The following DLGAP2 variants were observed in gnomAD, a reference collection of about 807,000 sequenced individuals.
DLGAP2 encodes the protein disks large-associated protein 2.
In DLGAP2, 26 loss-of-function variants were observed where a neutral mutation model predicts 100.3. That is an observed-to-expected ratio of 0.26 (90% CI 0.19 to 0.36). The LOEUF is 0.36. Among genes scored for constraint, DLGAP2 ranks in the 10% least tolerant of loss-of-function variants. The pLI, the probability that DLGAP2 is intolerant of heterozygous loss-of-function variation, is 1.00. For synonymous variants in DLGAP2, 886 were observed against 630.1 expected, an observed-to-expected ratio of 1.41 and a Z score of -6.08; for missense variants, 1,858 against 1,453.2, an observed-to-expected ratio of 1.28 and a Z score of -4.53.
intron 1 of DLGAP2, among the ~76,000 whole-genome samples, chr8:754,411 G>A (rs570255916): frequency 3.4e-4 from 52 of 152,186 alleles, no homozygotes; most frequent in Non-Finnish European, 5.4e-4. Flanking sequence ...GGTTTTGCAT[G>A]TTTTACCTGC....
At chr8:1,626,690 C>T (rs373138047) in intron 6 of DLGAP2, 50 bp from the exon 7 acceptor site, 5 of 1,556,250 alleles carry the variant, frequency 3.2e-6, no homozygotes, top group Non-Finnish European at 4.3e-6. Flanking sequence ...CACCTCTGCC[C>T]TGCAGCGGGT....
intron 3 of DLGAP2, among the ~76,000 whole-genome samples, chr8:1,458,836 G>A (rs552670923): frequency 6.6e-6 from 1 of 152,302 alleles, no homozygotes; most frequent in Non-Finnish European, 1.5e-5. Flanking sequence ...GGGTGTCCCA[G>A]GACAGAGAGC....
At chr8:859,266 G>GA (rs1797344303) in intron 1 of DLGAP2, among the ~76,000 whole-genome samples, 1 of 152,092 alleles carries the variant, frequency 6.6e-6, no homozygotes, top group Admixed American at 6.5e-5. Flanking sequence ...CGCACGCCAC[G>GA]AAGCCTGGCT....
chr8:1,434,463 T>A (rs758080432), intron 3 of DLGAP2, among the ~76,000 whole-genome samples: 1 of 150,960 alleles, frequency 6.6e-6, no homozygotes, highest in Non-Finnish European at 1.5e-5. Flanking sequence ...CTCCCGGGAG[T>A]GTCAGCATTT....
intron 1 of DLGAP2, among the ~76,000 whole-genome samples, chr8:895,017 G>A (rs1286343253): frequency 3.6e-5 from 5 of 138,212 alleles, no homozygotes; most frequent in Admixed American, 7.3e-5. Flanking sequence ...AGGGCAGGGT[G>A]GGGGAGTGGG....
intron 3 of DLGAP2, among the ~76,000 whole-genome samples, chr8:1,457,843 C>G (rs1798358001): frequency 1.3e-5 from 2 of 151,710 alleles, no homozygotes; most frequent in South Asian, 2.1e-4. Flanking sequence ...ACGCAACTCA[C>G]TACTTGTCAT....
chr8:1,577,621 A>C (rs1267121816), intron 6 of DLGAP2, among the ~76,000 whole-genome samples: 1 of 151,874 alleles, frequency 6.6e-6, no homozygotes, highest in Non-Finnish European at 1.5e-5. Context: ...CAGGATATCC[A>C]ACAAGAGGTT....
intron 2 of DLGAP2, among the ~76,000 whole-genome samples, chr8:1,024,473 A>C (rs953033274): frequency 1.3e-5 from 2 of 151,286 alleles, no homozygotes; most frequent in South Asian, 2.1e-4. Context: ...TCCCGTGCCG[A>C]AGGAGACGCT....
At chr8:890,017 G>GT (rs1456474701) in intron 1 of DLGAP2, among the ~76,000 whole-genome samples, 1 of 152,124 alleles carries the variant, frequency 6.6e-6, no homozygotes, top group Non-Finnish European at 1.5e-5. Flanking sequence ...CCTTCCCCGT[G>GT]TGTTTCTCGG....
At chr8:1,438,621 T>C (rs1002192069) in intron 3 of DLGAP2, among the ~76,000 whole-genome samples, 2 of 152,212 alleles carry the variant, frequency 1.3e-5, no homozygotes, top group Non-Finnish European at 2.9e-5. Context: ...CGAGAACTAT[T>C]TTATACATGG....
At chr8:743,360 G>C (rs2132559371) in intron 1 of DLGAP2, among the ~76,000 whole-genome samples, 1 of 152,292 alleles carries the variant, frequency 6.6e-6, no homozygotes, top group South Asian at 2.1e-4. Context: ...TTTTGGTGAA[G>C]ATAAATTTTC....
rs575579700 is a variant in DLGAP2 at position 1,459,133 on chromosome 8, A to C, written c.107-42233A>C. Among the ~76,000 whole-genome samples the C allele has an allele frequency of 6.7e-4, 96 of 143,420 alleles. 7 individuals carry two copies. The highest frequency in any genetic ancestry group is 2.5e-3 in the African/African-American group (91 of 37,142). 94.1% of individuals were successfully genotyped at this position (143,420 alleles called of 152,430 possible). ...CAGCTGGTTTACATGCGTAGACGCC[A>C]GGGGTCACCCTACAAGACCAGCGTG... On this transcript the variant is annotated intron_variant, in intron 3 of 14. Coordinates refer to ENST00000637795, the MANE Select transcript of DLGAP2 (RefSeq NM_001346810.2).
chr8:1,616,243 C>T (rs1797149914), intron 6 of DLGAP2, among the ~76,000 whole-genome samples: 2 of 151,834 alleles, frequency 1.3e-5, no homozygotes, highest in Admixed American at 6.6e-5. Context: ...AGAATAGAGC[C>T]TCAGTAATAT....
At chr8:1,161,604 A>T (rs1309600606) in intron 2 of DLGAP2, among the ~76,000 whole-genome samples, 2 of 152,220 alleles carry the variant, frequency 1.3e-5, no homozygotes, top group South Asian at 4.1e-4. Context: ...GAATGAGCTG[A>T]TGAGACTCGG....
intron 3 of DLGAP2, among the ~76,000 whole-genome samples, chr8:1,431,693 G>A (rs1227919205): frequency 7.9e-5 from 12 of 152,234 alleles, no homozygotes; most frequent in Non-Finnish European, 1.5e-4. Flanking sequence ...ACTGCGGAGT[G>A]GAGGCACTGG....
At chr8:1,311,474 A>G (rs1346865536) in intron 3 of DLGAP2, among the ~76,000 whole-genome samples, 1 of 152,242 alleles carries the variant, frequency 6.6e-6, no homozygotes, top group Non-Finnish European at 1.5e-5. Flanking sequence ...AAATGGTCAT[A>G]GAAGAGAAAA....
In DLGAP2 at chr8:1,102,851, C is replaced by T. The variant is rs182774016; in HGVS notation, c.74-156000C>T. ...ATGTGCGTGGGGCCTTGTGAGTCTC[C>T]GGGGTCTTTGTGAGTCTCTGGGGTC... On this transcript the variant is annotated intron_variant, in intron 2 of 14. Coordinates refer to ENST00000637795, the MANE Select transcript of DLGAP2 (RefSeq NM_001346810.2). 2.1e-3 allele frequency among the ~76,000 whole-genome samples: 320 copies of T among 151,130 alleles called. 1 individual carries two copies. Among genetic ancestry groups the T allele is most frequent in the African/African-American group, 7.1e-3 (293 of 41,046 alleles).
rs547143731 is a variant in DLGAP2 at position 900,122 on chromosome 8, G to A, written c.19-7790G>A. 1.3e-4 allele frequency among the ~76,000 whole-genome samples: 20 copies of A among 152,134 alleles called. No individual in the cohort carries two copies. The South Asian group carries it at 1.5e-3, about 11-fold the overall frequency. Reference sequence around the variant, plus strand: ...TGGTGGGCGGCCTCCTCTTCACGGCGTCGCTCCTGGGTGGACGGTGGTGCC... The same window carrying A: ...TGGTGGGCGGCCTCCTCTTCACGGCATCGCTCCTGGGTGGACGGTGGTGCC... On this transcript the variant is annotated intron_variant, in intron 1 of 14. Coordinates refer to ENST00000637795, the MANE Select transcript of DLGAP2 (RefSeq NM_001346810.2).
intron 1 of DLGAP2, among the ~76,000 whole-genome samples, chr8:814,867 A>G (rs1236515833): frequency 1.3e-5 from 2 of 151,272 alleles, no homozygotes; most frequent in Non-Finnish European, 2.9e-5. Context: ...AAAAAAAAAA[A>G]AAAAAAGAAA....
Sources: allele counts gnomAD v4.1 joint callset (sites outside exome capture counted in the v4.1 genomes callset), GRCh38; gene constraint gnomAD v4.1.1; transcripts MANE v1.5; gene names NCBI Gene and HGNC (gene_info 2026-07-23, HGNC 2026-07-21).